The following PPP1R14C variants were observed in gnomAD, a reference collection of about 807,000 sequenced individuals.
PPP1R14C encodes the protein protein phosphatase 1 regulatory subunit 14C.
In PPP1R14C, 16 loss-of-function variants were observed where a neutral mutation model predicts 20.4. The ratio of observed to expected loss-of-function variants is 0.78; its 90% CI spans 0.53 to 1.19. The LOEUF (loss-of-function observed/expected upper bound fraction) is 1.19, where lower values mean the gene tolerates loss of function less well. Ranked by LOEUF, PPP1R14C falls within the 50% of genes most tolerant of loss-of-function variation. The pLI is 0.00. For missense variants in PPP1R14C, 211 were observed against 220.1 expected (o/e 0.96, Z 0.26); for synonymous variants, 91 against 91.0 (o/e 1.00, Z 0.00).
At chr6:150,210,327 T>C (rs1340851570) in intron 1 of PPP1R14C, among the ~76,000 whole-genome samples, 1 of 152,238 alleles carries the variant, frequency 6.6e-6, no homozygotes, top group Non-Finnish European at 1.5e-5. Context: ...CTGGATCTTA[T>C]CTTTACCTTT....
intron 1 of PPP1R14C, among the ~76,000 whole-genome samples, chr6:150,161,503 A>G (rs117611832): frequency 3.3e-5 from 5 of 152,310 alleles, no homozygotes; most frequent in Non-Finnish European, 7.4e-5. Context: ...TTCGATTCTA[A>G]TCCATTACTA....
Position 150,249,837 on chromosome 6 carries a change from T to A in PPP1R14C, c.*1017T>A, listed in dbSNP as rs2114938396. The A allele has an allele frequency of 3.3e-6, 1 of 299,786 alleles. No individual in the cohort carries two copies. The highest frequency in any genetic ancestry group is 5.4e-5 in the East Asian group (1 of 18,628). 18.6% of individuals were successfully genotyped at this position (299,786 alleles called of 1,614,324 possible). A position where few individuals can be genotyped will look rare whatever the true frequency, so the allele number is the denominator to read the frequency against. ...CAGTGGGAGTAAACCGAGTGTTAAG[T>A]GTCAAGGTGAGAAAGCCTCACATTC... On this transcript the variant is annotated 3_prime_UTR_variant, in exon 4 of 4. Coordinates refer to ENST00000361131, the MANE Select transcript of PPP1R14C (RefSeq NM_030949.3).
At chr6:150,168,458 G>A (rs1188043429) in intron 1 of PPP1R14C, among the ~76,000 whole-genome samples, 3 of 152,074 alleles carry the variant, frequency 2.0e-5, no homozygotes, top group South Asian at 4.1e-4. Flanking sequence ...GCGTGAACCC[G>A]GGAGGCGGAG....
In PPP1R14C at chr6:150,149,561, G is replaced by A. The variant is rs1467119577; in HGVS notation, c.306+6063G>A. The stretch of plus-strand genomic sequence containing the variant: ...GATCCGTCAGCCTCAGCCTTCCAAA[G>A]TGTTGGGATTACAGGTGTGAGCCAC... On this transcript the variant is annotated intron_variant, in intron 1 of 3. Coordinates refer to ENST00000361131, the MANE Select transcript of PPP1R14C (RefSeq NM_030949.3). Among the ~76,000 whole-genome samples the A allele has an allele frequency of 5.5e-5, 8 of 146,296 alleles. No individual in the cohort carries two copies. In the East Asian group the frequency reaches 1.6e-3, roughly 29 times the overall value.
At chr6:150,159,071 G>A (rs970045559) in intron 1 of PPP1R14C, among the ~76,000 whole-genome samples, 27 of 152,158 alleles carry the variant, frequency 1.8e-4, no homozygotes, top group South Asian at 4.2e-4. Context: ...CCCACAGGAC[G>A]GAAGGAAAGG....
chr6:150,183,399 C>T (rs572764435), intron 1 of PPP1R14C, among the ~76,000 whole-genome samples: 9 of 152,282 alleles, frequency 5.9e-5, no homozygotes, highest in Admixed American at 2.0e-4. Context: ...TGTGTTAGGA[C>T]TTCAGGGAAA....
chr6:150,207,599 A>G (rs555029445), intron 1 of PPP1R14C, among the ~76,000 whole-genome samples: 5 of 152,154 alleles, frequency 3.3e-5, no homozygotes, highest in Non-Finnish European at 7.3e-5. Context: ...TTATTTCTCT[A>G]TTTTTCTGGA....
chr6:150,167,979 TCTCCTCCCC>T (rs1777446931), intron 1 of PPP1R14C, among the ~76,000 whole-genome samples: 8 of 127,710 alleles, frequency 6.3e-5, no homozygotes, highest in African/African-American at 9.0e-5. Context: ...TCTCTCCTTC[TCTCCTCCCC>T]TCTTCCTCTC....
chr6:150,159,139 G>C (rs916841183), intron 1 of PPP1R14C, among the ~76,000 whole-genome samples: 1 of 152,174 alleles, frequency 6.6e-6, no homozygotes, highest in African/African-American at 2.4e-5. Flanking sequence ...CTTTCCACCT[G>C]CTCAGGGGCT....
At chr6:150,205,066 A>G (rs1416106968) in intron 1 of PPP1R14C, among the ~76,000 whole-genome samples, 3 of 150,104 alleles carry the variant, frequency 2.0e-5, no homozygotes, top group Admixed American at 1.3e-4. Flanking sequence ...CATTTTTGCT[A>G]AAATGAATTG....
chr6:150,158,322 A>T (rs1777327530), intron 1 of PPP1R14C, among the ~76,000 whole-genome samples: 1 of 151,978 alleles, frequency 6.6e-6, no homozygotes, highest in East Asian at 1.9e-4. Context: ...TTTATTATGG[A>T]ATAATTTTGG....
intron 1 of PPP1R14C, among the ~76,000 whole-genome samples, chr6:150,174,739 C>T (rs549155224): frequency 1.3e-4 from 19 of 151,294 alleles, no homozygotes; most frequent in African/African-American, 3.9e-4. Context: ...TGGAGGTGGA[C>T]GGATCACAAG....
intron 1 of PPP1R14C, among the ~76,000 whole-genome samples, chr6:150,154,671 G>A (rs1308407136): frequency 1.3e-5 from 2 of 152,206 alleles, no homozygotes; most frequent in African/African-American, 2.4e-5. Flanking sequence ...AAGGGCCATC[G>A]AATTTGCAGA....
chr6:150,190,263 A>G (rs9397194), intron 1 of PPP1R14C, among the ~76,000 whole-genome samples: 28,522 of 151,780 alleles, frequency 0.19, 4,104 homozygotes, highest in African/African-American at 0.41. Flanking sequence ...CCACCTGAAC[A>G]CTTAGTAAGA....
At chr6:150,189,551 T>TC (rs1777718151) in intron 1 of PPP1R14C, among the ~76,000 whole-genome samples, 1 of 150,428 alleles carries the variant, frequency 6.6e-6, no homozygotes, top group South Asian at 2.1e-4. Flanking sequence ...ACATTCTGCT[T>TC]TTTTTTTTTG....
Position 150,224,619 on chromosome 6 carries a change from AG to A in PPP1R14C, c.423+7764del, listed in dbSNP as rs1332192436. Among the ~76,000 whole-genome samples, 6 of 122,212 alleles carry A rather than the reference AG, an allele frequency of 4.9e-5. No homozygotes were observed. In the East Asian group the frequency reaches 1.5e-3, roughly 30 times the overall value. 80.2% of individuals were successfully genotyped at this position (122,212 alleles called of 152,430 possible). On this transcript the variant is annotated intron_variant, in intron 3 of 3. Coordinates refer to ENST00000361131, the MANE Select transcript of PPP1R14C (RefSeq NM_030949.3). ...ATTTTTCATCTCTAGCATTTCTCTTAGAATTTCCATCTCTCTACTTACATTC... is the reference window on the plus strand; with the variant it reads ...ATTTTTCATCTCTAGCATTTCTCTTAAATTTCCATCTCTCTACTTACATTC...
At chr6:150,203,415 C>T (rs1244727191) in intron 1 of PPP1R14C, among the ~76,000 whole-genome samples, 1 of 152,234 alleles carries the variant, frequency 6.6e-6, no homozygotes, top group Non-Finnish European at 1.5e-5. Context: ...GTCTTTTATA[C>T]TCCAAGTGCA....
chr6:150,176,483 T>C (rs1293549964), intron 1 of PPP1R14C, among the ~76,000 whole-genome samples: 4 of 152,208 alleles, frequency 2.6e-5, no homozygotes, highest in African/African-American at 7.2e-5. Flanking sequence ...AGAAGGAACA[T>C]CTTGTTGCTG....
At chr6:150,217,425 ACC>A (rs1778108564) in intron 3 of PPP1R14C, among the ~76,000 whole-genome samples, 1 of 151,902 alleles carries the variant, frequency 6.6e-6, no homozygotes, top group African/African-American at 2.4e-5. Flanking sequence ...CAAACTCCTG[ACC>A]TCAGGTATTC....
Sources: allele counts gnomAD v4.1 joint callset (sites outside exome capture counted in the v4.1 genomes callset), GRCh38; gene constraint gnomAD v4.1.1; transcripts MANE v1.5; gene names NCBI Gene and HGNC (gene_info 2026-07-23, HGNC 2026-07-21).